PTPRD: variants seen among roughly 807,000 people sequenced by gnomAD.
PTPRD encodes receptor-type tyrosine-protein phosphatase delta.
A neutral mutation model predicts 214.5 loss-of-function variants in PTPRD; 34 were observed. That is an observed-to-expected ratio of 0.16 (90% CI 0.12 to 0.21). The LOEUF is 0.21. Among genes scored for constraint, PTPRD ranks in the 10% least tolerant of loss-of-function variants. The probability of loss-of-function intolerance (pLI) is 1.00; values close to 1 mark genes in which losing one functional copy is unlikely to be tolerated. For missense variants in PTPRD, 2,545 were observed against 2,398.7 expected (o/e 1.06, Z -1.27); for synonymous variants, 1,128 against 845.7 (o/e 1.33, Z -5.79).
intron 11 of PTPRD, among the ~76,000 whole-genome samples, chr9:8,849,304 T>C (rs1044989016): frequency 1.3e-5 from 2 of 151,562 alleles, no homozygotes; most frequent in Non-Finnish European, 2.9e-5. Flanking sequence ...GTCTCCCGAG[T>C]AGCTGGGACT....
intron 8 of PTPRD, among the ~76,000 whole-genome samples, chr9:9,424,704 C>A (rs7028336): frequency 0.81 from 122,497 of 152,102 alleles, 49,451 homozygotes; most frequent in Non-Finnish European, 0.81. Context: ...ATATAATTGT[C>A]TATCTAGCCT....
At chr9:10,490,313 A>T (rs569450419) in intron 2 of PTPRD, among the ~76,000 whole-genome samples, 40 of 152,316 alleles carry the variant, frequency 2.6e-4, no homozygotes, top group Admixed American at 8.5e-4. Flanking sequence ...GAATGATTTA[A>T]ATATCTGACA....
At chr9:9,629,238 G>GTGTGTGTATATATATATATATATATA (rs149327972) in intron 7 of PTPRD, among the ~76,000 whole-genome samples, 5 of 140,366 alleles carry the variant, frequency 3.6e-5, no homozygotes, top group African/African-American at 1.1e-4. Flanking sequence ...GTGTGTGTGT[G>GTGTGTGTATATATATATATATATATA]TATATATATA....
chr9:9,742,221 A>T (rs1342117055), intron 6 of PTPRD, among the ~76,000 whole-genome samples: 1 of 151,804 alleles, frequency 6.6e-6, no homozygotes, highest in African/African-American at 2.4e-5. Flanking sequence ...GTGTCTGTTC[A>T]AATTAAATTA....
intron 3 of PTPRD, among the ~76,000 whole-genome samples, chr9:10,223,851 AG>A (rs2099579967): frequency 6.6e-6 from 1 of 151,464 alleles, no homozygotes. Flanking sequence ...ATCCTGGAAA[AG>A]TGCTATAAGA....
chr9:8,964,542 G>T (rs1479690284), intron 11 of PTPRD, among the ~76,000 whole-genome samples: 3 of 151,586 alleles, frequency 2.0e-5, no homozygotes, highest in South Asian at 2.1e-4. Context: ...TGGATTTTTG[G>T]TCTCAATTTT....
chr9:9,289,410 C>G (rs965250479), intron 9 of PTPRD, among the ~76,000 whole-genome samples: 1 of 151,862 alleles, frequency 6.6e-6, no homozygotes, highest in Non-Finnish European at 1.5e-5. Context: ...ATTTCATATA[C>G]TTAGACATTC....
chr9:9,604,876 CA>C lies in PTPRD; in HGVS notation c.-286-30096del, dbSNP rs894246690. On this transcript the variant is annotated intron_variant, in intron 7 of 45. Transcript: ENST00000381196. ...AAAAAAGAAAACTATTATTAAAGAA[CA>C]AAAAAAAAAGAGAGGTATATTATGA... Among the ~76,000 whole-genome samples, 152 of 143,904 alleles carry C rather than the reference CA, an allele frequency of 1.1e-3. 1 individual carries two copies. Among genetic ancestry groups the C allele is most frequent in the African/African-American group, 3.0e-3 (119 of 39,662 alleles). 94.4% of individuals were successfully genotyped at this position (143,904 alleles called of 152,430 possible).
Position 8,449,778 on chromosome 9 carries a change from G to A in PTPRD, c.3935C>T (p.Ser1312Leu), listed in dbSNP as rs533663469. The change falls in exon 34 of 46, where the codon TCA (serine) becomes TTA (leucine). Residue 1312 changes from serine (S) to leucine (L), a missense_variant. Coordinates refer to ENST00000381196, the MANE Select transcript of PTPRD (RefSeq NM_002839.4). ...SSIPNNKEIP[S>L]HHPTDPVELR... ...TTCTACAGGGTCTGTTGGGTGGTGT[G>A]AAGGGATCTCCTTATTGTTCGGTAT... is the stretch of plus-strand genomic sequence containing the variant. 5.6e-6 allele frequency: 9 copies of A among 1,614,126 alleles called. No homozygotes were observed. The East Asian group carries it at 2.0e-4, about 36-fold the overall frequency.
At chr9:8,747,520 C>T (rs564061045) in intron 11 of PTPRD, among the ~76,000 whole-genome samples, 66 of 152,118 alleles carry the variant, frequency 4.3e-4, no homozygotes, top group African/African-American at 1.6e-3. Context: ...AACCGCCAAG[C>T]AGATATTAAA....
chr9:8,965,304 C>T (rs1055697904), intron 11 of PTPRD, among the ~76,000 whole-genome samples: 8 of 150,974 alleles, frequency 5.3e-5, no homozygotes, highest in East Asian at 3.9e-4. Context: ...CAGTTGAACC[C>T]GGGAGGCGGA....
chr9:9,080,958 T>C (rs895217041), intron 10 of PTPRD, among the ~76,000 whole-genome samples: 1 of 152,150 alleles, frequency 6.6e-6, no homozygotes, highest in Non-Finnish European at 1.5e-5. Flanking sequence ...CTGGATTCAC[T>C]GATTTTTTTA....
intron 7 of PTPRD, among the ~76,000 whole-genome samples, chr9:9,682,609 T>C (rs1219575188): frequency 6.6e-6 from 1 of 151,724 alleles, no homozygotes; most frequent in Non-Finnish European, 1.5e-5. Context: ...GCTTGGGAGC[T>C]AAGCCTTGGA....
chr9:10,156,745 C>T (rs926887679), intron 3 of PTPRD, among the ~76,000 whole-genome samples: 4 of 152,076 alleles, frequency 2.6e-5, no homozygotes, highest in Admixed American at 1.3e-4. Context: ...GTGAAATCTC[C>T]CCCTATTGTT....
chr9:9,713,907 TGTAA>T (rs2097775817), intron 7 of PTPRD, among the ~76,000 whole-genome samples: 2 of 152,180 alleles, frequency 1.3e-5, no homozygotes, highest in Admixed American at 1.3e-4. Context: ...GTTTCTACAG[TGTAA>T]GTGTGAGATG....
intron 10 of PTPRD, among the ~76,000 whole-genome samples, chr9:9,031,360 G>T (rs1331967077): frequency 6.6e-6 from 1 of 151,964 alleles, no homozygotes; most frequent in Non-Finnish European, 1.5e-5. Flanking sequence ...GAACATCATA[G>T]AGTGTGCTTA....
chr9:10,001,752 G>A (rs1006264703), intron 4 of PTPRD, among the ~76,000 whole-genome samples: 1 of 151,918 alleles, frequency 6.6e-6, no homozygotes, highest in Non-Finnish European at 1.5e-5. Context: ...AAAACTAAAG[G>A]AATTCGTCAC....
intron 8 of PTPRD, among the ~76,000 whole-genome samples, chr9:9,456,777 A>G (rs1291787873): frequency 6.6e-6 from 1 of 151,920 alleles, no homozygotes; most frequent in Non-Finnish European, 1.5e-5. Flanking sequence ...AAGAGGTTAA[A>G]TAACTTCTTA....
intron 14 of PTPRD, among the ~76,000 whole-genome samples, chr9:8,569,395 T>C (rs1594107198): frequency 6.6e-6 from 1 of 152,272 alleles, no homozygotes; most frequent in East Asian, 1.9e-4. Flanking sequence ...AAAATGCCTA[T>C]AGTCCTCTGC....
Sources: gnomAD v4.1 joint callset for allele counts (sites outside exome capture counted in the v4.1 genomes callset) on GRCh38, gnomAD v4.1.1 for gene constraint, MANE v1.5 for transcripts, NCBI Gene and HGNC (gene_info 2026-07-23, HGNC 2026-07-21) for gene names.